Variants in PRKN observed in about 807,000 individuals in gnomAD.
PRKN encodes the protein parkin RBR E3 ubiquitin protein ligase.
A neutral mutation model predicts 59.5 loss-of-function variants in PRKN; 56 were observed. That is an observed-to-expected ratio of 0.94 (90% CI 0.76 to 1.18). The LOEUF (loss-of-function observed/expected upper bound fraction) is 1.18. Ranked by LOEUF, PRKN falls within the 50% of genes most tolerant of loss-of-function variation. PRKN has a pLI of 0.00. For missense variants in PRKN, 657 were observed against 596.4 expected, an observed-to-expected ratio of 1.10 and a Z score of -1.06; for synonymous variants, 250 against 222.1, an observed-to-expected ratio of 1.13 and a Z score of -1.12.
At chr6:162,496,629 C>T (rs1317390172) in intron 1 of PRKN, among the ~76,000 whole-genome samples, 1 of 152,200 alleles carries the variant, frequency 6.6e-6, no homozygotes, top group Non-Finnish European at 1.5e-5. Context: ...CACATGCGTG[C>T]AAATTCTGGC....
At chr6:162,675,443 C>T (rs1584028317) in intron 1 of PRKN, among the ~76,000 whole-genome samples, 1 of 152,090 alleles carries the variant, frequency 6.6e-6, no homozygotes, top group South Asian at 2.1e-4. Flanking sequence ...AAGCTCAGAA[C>T]GTGGATTGAG....
In PRKN at chr6:162,220,338, T is replaced by C. The variant is rs146536305; in HGVS notation, c.413-19086A>G. ...GCAAAAATTGACAAGAGGGACCTAATTAAACCTGCATAATTAAAGAGCTTC... is the reference window on the plus strand; with the variant it reads ...GCAAAAATTGACAAGAGGGACCTAACTAAACCTGCATAATTAAAGAGCTTC... On this transcript the variant is annotated intron_variant, in intron 3 of 11. Coordinates refer to ENST00000366898, the MANE Select transcript of PRKN (RefSeq NM_004562.3). Among the ~76,000 whole-genome samples, 581 of 152,208 alleles carry C rather than the reference T, an allele frequency of 3.8e-3. 3 individuals are homozygous for C. Among genetic ancestry groups the C allele is most frequent in the Non-Finnish European group, 6.0e-3 (408 of 67,996 alleles).
chr6:162,283,784 G>A (rs1418619763), intron 2 of PRKN, among the ~76,000 whole-genome samples: 2 of 152,146 alleles, frequency 1.3e-5, no homozygotes, highest in Non-Finnish European at 2.9e-5. Context: ...GCTTCCCAAA[G>A]TGCTGGGATT....
Position 161,470,994 on chromosome 6 carries a change from G to A in PRKN, c.1083+77860C>T, listed in dbSNP as rs1053945650. ...TCTAAGTTAGAATCTGGCCTCTAAG[G>A]TCCTTATGAAGGTGTACTCCTTAAG... On this transcript the variant is annotated intron_variant, in intron 9 of 11. Transcript: ENST00000366898. The surrounding 1 kb of genome is among the most constrained non-coding windows in gnomAD (Gnocchi z 5.1). 6.6e-6 allele frequency among the ~76,000 whole-genome samples: 1 copy of A among 152,174 alleles called. No homozygotes were observed. Among genetic ancestry groups the A allele is most frequent in the African/African-American group, 2.4e-5 (1 of 41,430 alleles).
At chr6:161,616,452 T>G (rs1687552559) in intron 7 of PRKN, among the ~76,000 whole-genome samples, 1 of 151,862 alleles carries the variant, frequency 6.6e-6, no homozygotes, top group African/African-American at 2.4e-5. Context: ...GGGATACATG[T>G]GCAGAACATG....
chr6:161,714,611 G>C (rs1235778970), intron 7 of PRKN, among the ~76,000 whole-genome samples: 1 of 152,162 alleles, frequency 6.6e-6, no homozygotes, highest in African/African-American at 2.4e-5. Flanking sequence ...CTAAGACAGG[G>C]AGTGTCCATG....
intron 3 of PRKN, among the ~76,000 whole-genome samples, chr6:162,255,650 A>G (rs1177146068): frequency 6.6e-6 from 1 of 152,174 alleles, no homozygotes; most frequent in Non-Finnish European, 1.5e-5. Flanking sequence ...CAAGAAGTAG[A>G]GCCAAGACGG....
At chr6:162,117,399 C>T (rs957107607) in intron 4 of PRKN, among the ~76,000 whole-genome samples, 27 of 152,338 alleles carry the variant, frequency 1.8e-4, no homozygotes, top group Admixed American at 4.6e-4. Flanking sequence ...ACAGATCCCA[C>T]GCTGTGGCCC....
intron 7 of PRKN, among the ~76,000 whole-genome samples, chr6:161,708,368 T>C (rs189478088): frequency 6.6e-6 from 1 of 151,966 alleles, no homozygotes; most frequent in Non-Finnish European, 1.5e-5. Context: ...ATCCAAAATA[T>C]TGTAAATATT....
At chr6:162,045,550 T>A (rs1784219424) in intron 5 of PRKN, among the ~76,000 whole-genome samples, 1 of 152,246 alleles carries the variant, frequency 6.6e-6, no homozygotes, top group Non-Finnish European at 1.5e-5. Context: ...ATGCTTATAA[T>A]TTCCATTCTA....
At chr6:162,353,808 T>G (rs981103337) in intron 2 of PRKN, among the ~76,000 whole-genome samples, 1 of 152,128 alleles carries the variant, frequency 6.6e-6, no homozygotes, top group African/African-American at 2.4e-5. Flanking sequence ...CATATAAATC[T>G]AATGTGGGGA....
chr6:161,395,142 G>GTA lies in PRKN; in HGVS notation c.1084-8267_1084-8266dup, dbSNP rs931856144. Among the ~76,000 whole-genome samples the GTA allele has an allele frequency of 2.6e-5, 4 of 152,124 alleles. No homozygotes were observed. Among genetic ancestry groups the GTA allele is most frequent in the African/African-American group, 9.7e-5 (4 of 41,420 alleles). On this transcript the variant is annotated intron_variant, in intron 9 of 11. Coordinates refer to ENST00000366898, the MANE Select transcript of PRKN (RefSeq NM_004562.3). The surrounding 1 kb of genome is among the most constrained non-coding windows in gnomAD (Gnocchi z 5.0). ...CAGAGACAATCACTGTCACCTGTTTGTATAGGTATTGTTCCAGAAATATGT... is the reference window on the plus strand; with the variant it reads ...CAGAGACAATCACTGTCACCTGTTTGTATATAGGTATTGTTCCAGAAATATGT...
chr6:162,176,345 A>G (rs1051888032), intron 4 of PRKN, among the ~76,000 whole-genome samples: 3 of 152,226 alleles, frequency 2.0e-5, no homozygotes, highest in Non-Finnish European at 4.4e-5. Context: ...AGAACTGTGC[A>G]GTCACTAGAC....
intron 1 of PRKN, among the ~76,000 whole-genome samples, chr6:162,683,956 G>A (rs1489410064): frequency 2.0e-5 from 3 of 152,078 alleles, no homozygotes; most frequent in Non-Finnish European, 2.9e-5. Context: ...CTTTATTTGA[G>A]AAAGTAGAAT....
At chr6:162,148,511 C>T (rs1317472770) in intron 4 of PRKN, among the ~76,000 whole-genome samples, 1 of 152,104 alleles carries the variant, frequency 6.6e-6, no homozygotes, top group Non-Finnish European at 1.5e-5. Context: ...ACATATACTA[C>T]CTCATTCAAT....
At chr6:162,622,572 C>T (rs1209375980) in intron 1 of PRKN, among the ~76,000 whole-genome samples, 1 of 152,172 alleles carries the variant, frequency 6.6e-6, no homozygotes, top group East Asian at 1.9e-4. Flanking sequence ...CTTCTGGTAT[C>T]GGTTGCCCTT....
chr6:161,618,087 T>C (rs1782761406), intron 7 of PRKN, among the ~76,000 whole-genome samples: 1 of 152,236 alleles, frequency 6.6e-6, no homozygotes, highest in Non-Finnish European at 1.5e-5. Context: ...CTACTCTGTG[T>C]TCATGACAAT....
intron 2 of PRKN, among the ~76,000 whole-genome samples, chr6:162,328,019 C>T (rs375086126): frequency 8.8e-5 from 12 of 136,930 alleles, no homozygotes; most frequent in African/African-American, 2.7e-4. Flanking sequence ...GCTGGCCACA[C>T]TGCAAGGCCC....
chr6:161,891,029 C>A (rs1433352007), intron 6 of PRKN, among the ~76,000 whole-genome samples: 2 of 152,158 alleles, frequency 1.3e-5, no homozygotes, highest in Non-Finnish European at 2.9e-5. Flanking sequence ...ACTCTTGCTA[C>A]AAAGCGGGAA....
Sources: allele counts gnomAD v4.1 joint callset (sites outside exome capture counted in the v4.1 genomes callset), GRCh38; gene constraint gnomAD v4.1.1; non-coding constraint Gnocchi (gnomAD v3.1); transcripts MANE v1.5; gene names NCBI Gene and HGNC (gene_info 2026-07-23, HGNC 2026-07-21).